CLIC5: variants seen among roughly 807,000 people sequenced by gnomAD.
CLIC5 encodes the protein chloride intracellular channel protein 5.
In CLIC5, 20 loss-of-function variants were observed where a neutral mutation model predicts 24.7. The observed-to-expected ratio is 0.81, with a 90% CI of 0.57 to 1.18. CLIC5 has a LOEUF of 1.18. CLIC5 is among the 50% of genes most tolerant of loss of function. The probability of loss-of-function intolerance (pLI) is 0.00; values close to 1 mark genes in which losing one functional copy is unlikely to be tolerated. For synonymous variants in CLIC5, 159 were observed against 135.6 expected, an observed-to-expected ratio of 1.17 and a Z score of -1.20; for missense variants, 341 against 326.1, an observed-to-expected ratio of 1.05 and a Z score of -0.35.
intron 1 of CLIC5, among the ~76,000 whole-genome samples, chr6:46,035,030 G>A (rs1176903203): frequency 6.6e-6 from 1 of 152,136 alleles, no homozygotes; most frequent in Admixed American, 6.5e-5. Context: ...TTCAAAATAG[G>A]TGCCTGACAC....
intron 1 of CLIC5, among the ~76,000 whole-genome samples, chr6:45,981,444 C>T (rs1466488407): frequency 2.0e-5 from 3 of 152,086 alleles, no homozygotes; most frequent in Non-Finnish European, 4.4e-5. Flanking sequence ...CTAAATATAC[C>T]TCAAAAAGTA....
At chr6:45,943,722 A>G (rs969362162) in intron 3 of CLIC5, among the ~76,000 whole-genome samples, 1 of 152,326 alleles carries the variant, frequency 6.6e-6, no homozygotes, top group East Asian at 1.9e-4. Flanking sequence ...CTTCACAATC[A>G]GGTTGGGCCA....
intron 4 of CLIC5, among the ~76,000 whole-genome samples, chr6:45,922,728 C>T (rs769776730): frequency 1.9e-4 from 29 of 151,554 alleles, no homozygotes; most frequent in Non-Finnish European, 2.9e-4. Flanking sequence ...CTTAGGTCTT[C>T]GAATTAAGTT....
rs114443318 is a variant in CLIC5, at chr6:46,027,657, T to C, written c.540+52046A>G. On this transcript the variant is annotated intron_variant, in intron 1 of 5. Coordinates refer to the CLIC5 transcript ENST00000185206. ...TTTTGTATTTCTCTGTAATTATTCA[T>C]AATTTCTTCAATTAAATGCCTTTGC... 1.2e-3 allele frequency among the ~76,000 whole-genome samples: 185 copies of C among 152,342 alleles called. 1 individual carries two copies. The highest frequency in any genetic ancestry group is 4.2e-3 in the African/African-American group (176 of 41,576).
At chr6:46,042,552 A>G (rs1767837419) in intron 1 of CLIC5, among the ~76,000 whole-genome samples, 1 of 151,580 alleles carries the variant, frequency 6.6e-6, no homozygotes, top group South Asian at 2.1e-4. Flanking sequence ...GTCACACATC[A>G]TCAGTACAGT....
chr6:46,077,652 T>G (rs1188692181), intron 1 of CLIC5, among the ~76,000 whole-genome samples: 1 of 152,142 alleles, frequency 6.6e-6, no homozygotes, highest in African/African-American at 2.4e-5. Flanking sequence ...TGCCGCTCTT[T>G]TTATTACTGA....
intron 3 of CLIC5, among the ~76,000 whole-genome samples, chr6:45,945,209 C>G (rs781093143): frequency 6.6e-6 from 1 of 152,176 alleles, no homozygotes; most frequent in Non-Finnish European, 1.5e-5. Flanking sequence ...ATATCAGGCT[C>G]TAGGCTCATT....
intron 1 of CLIC5, among the ~76,000 whole-genome samples, chr6:45,990,205 C>G (rs1305529235): frequency 6.6e-6 from 1 of 152,172 alleles, no homozygotes; most frequent in Non-Finnish European, 1.5e-5. Context: ...TCAAACAAAA[C>G]AAGGTAGACT....
intron 1 of CLIC5, among the ~76,000 whole-genome samples, chr6:46,014,938 C>G (rs1413333697): frequency 1.3e-5 from 2 of 152,202 alleles, no homozygotes; most frequent in African/African-American, 2.4e-5. Flanking sequence ...TGCTTGTTTT[C>G]TGCTTTGCAA....
At chr6:46,085,114 T>A (rs933539951), upstream of CLIC5, among the ~76,000 whole-genome samples, 5 of 152,248 alleles carry the variant, frequency 3.3e-5, no homozygotes, top group African/African-American at 4.8e-5. Context: ...AGCCTTGGCT[T>A]TCAGCTCCAT....
the CLIC5 span, among the ~76,000 whole-genome samples, chr6:46,125,522 A>C: frequency 2.0e-5 from 3 of 152,220 alleles, no homozygotes; most frequent in African/African-American, 4.8e-5. Flanking sequence ...ACATGTATAC[A>C]TATGTAACAA....
chr6:46,064,574 A>T (rs1762389787), intron 1 of CLIC5, among the ~76,000 whole-genome samples: 1 of 152,198 alleles, frequency 6.6e-6, no homozygotes, highest in African/African-American at 2.4e-5. Flanking sequence ...ACATATCAAC[A>T]ACATTGTTGT....
In CLIC5 at chr6:46,072,588, C is replaced by T. The variant is rs77774637; in HGVS notation, c.540+7115G>A. 5.9e-3 allele frequency among the ~76,000 whole-genome samples: 894 copies of T among 152,094 alleles called. 14 individuals carry two copies. The highest frequency in any genetic ancestry group is 0.021 in the African/African-American group (867 of 41,486). On this transcript the variant is annotated intron_variant, in intron 1 of 5. Transcript: ENST00000185206. ...AACATTCTTTAGAAAAAAATATGGG[C>T]CCTAATTTGGGGATATGTATTTCAG... is the stretch of plus-strand genomic sequence containing the variant.
chr6:45,949,212 G>C (rs1764386003), intron 3 of CLIC5, 44 bp downstream of exon 3: 1 of 1,596,160 alleles, frequency 6.3e-7, no homozygotes, highest in African/African-American at 1.3e-5. Flanking sequence ...GATCCAGCAT[G>C]AACCCTTCCC....
At chr6:45,933,276 C>T (rs930588827) in intron 4 of CLIC5, among the ~76,000 whole-genome samples, 1 of 152,198 alleles carries the variant, frequency 6.6e-6, no homozygotes, top group Non-Finnish European at 1.5e-5. Flanking sequence ...CCCTCGCCCT[C>T]TGGTAACCAC....
rs547319895 is a variant in CLIC5 at position 45,928,739 on chromosome 6, G to T, written c.406+12808C>A. Among the ~76,000 whole-genome samples, 4 of 151,438 alleles carry T rather than the reference G, an allele frequency of 2.6e-5. No individual in the cohort carries two copies. The South Asian group carries it at 8.4e-4, about 32-fold the overall frequency. ...TGTGATGGCCTTTGCCAGTACATAA[G>T]AACATCAGAACACACACGAAGTGCA... On this transcript the variant is annotated intron_variant, in intron 4 of 5. Transcript: ENST00000339561.
chr6:45,986,560 C>T (rs566445124), intron 1 of CLIC5, among the ~76,000 whole-genome samples: 9 of 152,324 alleles, frequency 5.9e-5, no homozygotes, highest in Admixed American at 1.3e-4. Flanking sequence ...TCAAGAAGGA[C>T]ACAGCCAGGA....
chr6:46,025,799 T>A (rs1276261746), intron 1 of CLIC5, among the ~76,000 whole-genome samples: 1 of 152,110 alleles, frequency 6.6e-6, no homozygotes, highest in African/African-American at 2.4e-5. Flanking sequence ...TGAGGACGAA[T>A]TTCCCCCTTG....
At chr6:46,057,134 G>A (rs886954377) in intron 1 of CLIC5, among the ~76,000 whole-genome samples, 1 of 152,146 alleles carries the variant, frequency 6.6e-6, no homozygotes, top group Non-Finnish European at 1.5e-5. Context: ...ATCTGAGCCT[G>A]CTAATTGGTC....
Sources: gnomAD v4.1 joint callset for allele counts (sites outside exome capture counted in the v4.1 genomes callset) on GRCh38, gnomAD v4.1.1 for gene constraint, MANE v1.5 for transcripts, NCBI Gene and HGNC (gene_info 2026-07-23, HGNC 2026-07-21) for gene names.